Variants in P4HB observed in about 807,000 individuals in gnomAD.
The protein encoded by P4HB is protein disulfide-isomerase.
Under a neutral mutation model 52.6 loss-of-function variants are expected in P4HB, and 20 were observed. The observed-to-expected ratio is 0.38, with a 90% CI of 0.27 to 0.55. The LOEUF (loss-of-function observed/expected upper bound fraction) is 0.55, where lower values mean the gene tolerates loss of function less well. P4HB is among the 20% of genes least tolerant of loss of function. The pLI, the probability that P4HB is intolerant of heterozygous loss-of-function variation, is 0.74. For missense variants in P4HB, 601 were observed against 669.2 expected (o/e 0.90, Z 1.12); for synonymous variants, 296 against 277.9 (o/e 1.07, Z -0.65).
chr17:81,845,532 C>G (rs779246971), intron 9 of P4HB, 29 bp downstream of exon 9: 1 of 1,561,080 alleles, frequency 6.4e-7, no homozygotes, highest in Non-Finnish European at 8.7e-7. Context: ...CCAGAGCCCG[C>G]CCCAGCCCCG....
intron 4 of P4HB, among the ~76,000 whole-genome samples, chr17:81,853,687 C>G (rs2038868719): frequency 6.6e-6 from 1 of 152,160 alleles, no homozygotes; most frequent in South Asian, 2.1e-4. Context: ...ATGCTGCTGT[C>G]TAAAAGGTTC....
rs1039084207 is a variant in P4HB, at chr17:81,843,875, G to A, written c.*137C>T. ...TGAACGGACGGTGTGTAGGGGTGAG[G>A]TGTCACTTCAGAGAGGTTCCCTGGG... is the stretch of plus-strand genomic sequence containing the variant. On this transcript the variant is annotated 3_prime_UTR_variant, in exon 11 of 11. Transcript: ENST00000331483. 3 of 721,354 alleles carry A rather than the reference G, an allele frequency of 4.2e-6. No individual in the cohort carries two copies. In the African/African-American group the frequency reaches 5.2e-5, roughly 13 times the overall value. The allele number at this position is 721,354 out of a possible 1,614,324, so 44.7% of individuals were successfully genotyped here.
In P4HB at chr17:81,843,864, G is replaced by A. The variant is rs1257759894; in HGVS notation, c.*148C>T. 10 of 700,292 alleles carry A rather than the reference G, an allele frequency of 1.4e-5. No homozygotes were observed. The highest frequency in any genetic ancestry group is 2.1e-5 in the Non-Finnish European group (8 of 386,208). The allele number at this position is 700,292 out of a possible 1,614,324, so 43.4% of individuals were successfully genotyped here. ...AGAGACGGGGGTGAACGGACGGTGT[G>A]TAGGGGTGAGGTGTCACTTCAGAGA... On this transcript the variant is annotated 3_prime_UTR_variant, in exon 11 of 11. Transcript: ENST00000331483.
intron 4 of P4HB, among the ~76,000 whole-genome samples, chr17:81,851,796 A>G (rs945618133): frequency 9.2e-5 from 14 of 152,136 alleles, no homozygotes; most frequent in African/African-American, 2.4e-5. Flanking sequence ...ACACTCAATC[A>G]CGGTCTACTG....
At position 81,855,735 on chromosome 17, in the gene P4HB, G is replaced by A. The variant is rs2038904015; in HGVS notation, c.353-149C>T. On this transcript the variant is annotated intron_variant, in intron 2 of 10. Transcript: ENST00000331483. This position sits in a 1 kb window ranked among gnomAD's most constrained non-coding sequence, Gnocchi z 4.3. ...GTTCTCCCACCATGGAAGAGGCCCG[G>A]TGCCGTCCGCCCGCCTCCTAAACCC... The A allele has an allele frequency of 2.3e-6, 2 of 886,598 alleles. No homozygotes were observed. The highest frequency in any genetic ancestry group is 3.3e-6 in the Non-Finnish European group (2 of 599,328). 54.9% of individuals were successfully genotyped at this position (886,598 alleles called of 1,614,324 possible). A position where few individuals can be genotyped will look rare whatever the true frequency, so the allele number is the denominator to read the frequency against.
At chr17:81,858,544 T>G (rs2038949768) in intron 2 of P4HB, among the ~76,000 whole-genome samples, 1 of 152,130 alleles carries the variant, frequency 6.6e-6, no homozygotes, top group African/African-American at 2.4e-5. Flanking sequence ...GAGTTTTCTT[T>G]TGCCACCGTC....
At chr17:81,856,647 CTTT>C (rs112230345) in intron 2 of P4HB, among the ~76,000 whole-genome samples, 11 of 128,432 alleles carry the variant, frequency 8.6e-5, no homozygotes, top group East Asian at 2.2e-4. Flanking sequence ...AATGTTTCTT[CTTT>C]TTTTTTTTTT....
chr17:81,844,119 G>C (rs765925146), intron 10 of P4HB, 27 bp from the exon 11 acceptor site: 5 of 1,530,822 alleles, frequency 3.3e-6, no homozygotes, highest in South Asian at 2.2e-5. Context: ...GGGGCGGGGC[G>C]GGCAGGTTGG....
chr17:81,845,561 C>G lies in P4HB; in HGVS notation c.1359G>C (p.Thr453=). 1 of 1,591,576 alleles carries G rather than the reference C, an allele frequency of 6.3e-7. No homozygotes were observed. Among genetic ancestry groups the G allele is most frequent in the Non-Finnish European group, 8.6e-7 (1 of 1,164,776 alleles). ...AGCCCCGTCTGGAGGGAAGGCGCAC[C>G]GTCCTGTCGGCACTGGCAGGAAAGA... is the stretch of plus-strand genomic sequence containing the variant. ...LKFFPASADR[T]VIDYNGERTL... is the part of the protein sequence containing the mutation. Residue 453 remains threonine, a splice_region_variant and synonymous_variant, in exon 9 of 11, where the codon ACG becomes ACC. Coordinates refer to ENST00000331483, the MANE Select transcript of P4HB (RefSeq NM_000918.4).
At chr17:81,847,179 G>A (rs2038748693) in intron 5 of P4HB, 64 bp downstream of exon 5, 8 of 1,597,972 alleles carry the variant, frequency 5.0e-6, no homozygotes, top group Non-Finnish European at 6.9e-6. Flanking sequence ...GTGACCGGGA[G>A]CCTCATGCCA....
Position 81,860,529 on chromosome 17 carries a change from C to T in P4HB, c.-58G>A. 1 of 1,227,106 alleles carries T rather than the reference C, an allele frequency of 8.1e-7. No homozygotes were observed. Among genetic ancestry groups the T allele is most frequent in the Non-Finnish European group, 1.0e-6 (1 of 983,032 alleles). The allele number at this position is 1,227,106 out of a possible 1,614,324, so 76.0% of individuals were successfully genotyped here. ...GGCGCCGCCGGGACAGCGGGGGCGACGAGAGCGCGCGCCGGTCCCGGCCTC... is the reference window on the plus strand; with the variant it reads ...GGCGCCGCCGGGACAGCGGGGGCGATGAGAGCGCGCGCCGGTCCCGGCCTC... On this transcript the variant is annotated 5_prime_UTR_variant, in exon 1 of 11. Coordinates refer to ENST00000331483, the MANE Select transcript of P4HB (RefSeq NM_000918.4).
rs201042887 is a variant in P4HB at position 81,843,940 on chromosome 17, C to T, written c.*72G>A. On this transcript the variant is annotated 3_prime_UTR_variant, in exon 11 of 11. Transcript: ENST00000331483. The stretch of plus-strand genomic sequence containing the variant: ...CTCCTTCAAGCGAGGCCGCAGGCTT[C>T]GGAGGCGTGCGCTGCTGCTGGGTGT... 103 of 1,135,622 alleles carry T rather than the reference C, an allele frequency of 9.1e-5. No homozygotes were observed. Among genetic ancestry groups the T allele is most frequent in the Middle Eastern group, 7.3e-4 (3 of 4,126 alleles). 70.3% of individuals were successfully genotyped at this position (1,135,622 alleles called of 1,614,324 possible).
chr17:81,858,667 C>G (rs1172366125), intron 2 of P4HB: 1 of 161,094 alleles, frequency 6.2e-6, no homozygotes, highest in Non-Finnish European at 1.4e-5. Context: ...GATTCGAGGT[C>G]TGCTACCGAC....
At chr17:81,849,826 ATTTATTTT>A (rs1444710926) in intron 4 of P4HB, among the ~76,000 whole-genome samples, 1 of 151,106 alleles carries the variant, frequency 6.6e-6, no homozygotes, top group African/African-American at 2.4e-5. Flanking sequence ...TTTAAAATTT[ATTTATTTT>A]TTTATTTTTT....
Position 81,855,398 on chromosome 17 carries a change from A to AC in P4HB, c.486+54dup, listed in dbSNP as rs1283999165. The AC allele has an allele frequency of 6.3e-7, 1 of 1,596,668 alleles. No individual in the cohort carries two copies. Among genetic ancestry groups the AC allele is most frequent in the Non-Finnish European group, 8.6e-7 (1 of 1,168,444 alleles). ...CAGAACTGCCAGCTGCAGGCTGTGG[A>AC]CCCCTCCTCAATGGATGACGGAAGG... On this transcript the variant is annotated intron_variant, in intron 3 of 10. Coordinates refer to ENST00000331483, the MANE Select transcript of P4HB (RefSeq NM_000918.4). The surrounding 1 kb of genome is among the most constrained non-coding windows in gnomAD (Gnocchi z 4.3).
rs1424288219 is a variant in P4HB at position 81,855,116 on chromosome 17, G to C, written c.624+26C>G. On this transcript the variant is annotated intron_variant, in intron 4 of 10. Transcript: ENST00000331483. This position sits in a 1 kb window ranked among gnomAD's most constrained non-coding sequence, Gnocchi z 4.3. ...TGCAGACCAACCCCAGAACTAACCT[G>C]GGCAGAGCTGCCTGGGGCCACTCAC... is the stretch of plus-strand genomic sequence containing the variant. 6.2e-7 allele frequency: 1 copy of C among 1,612,898 alleles called. No individual in the cohort carries two copies. Among genetic ancestry groups the C allele is most frequent in the African/African-American group, 1.3e-5 (1 of 75,024 alleles).
At chr17:81,859,491 A>G in intron 1 of P4HB, 104 bp from the exon 2 acceptor site, 2 of 982,272 alleles carry the variant, frequency 2.0e-6, no homozygotes, top group Non-Finnish European at 3.1e-6. Flanking sequence ...CTTCATAAAA[A>G]CCTTATCTAC....
chr17:81,849,790 T>C (rs1421395614), intron 4 of P4HB, among the ~76,000 whole-genome samples: 2 of 152,048 alleles, frequency 1.3e-5, no homozygotes, highest in Non-Finnish European at 2.9e-5. Flanking sequence ...CTTCCATCAT[T>C]CCCCCGAACT....
chr17:81,846,878 T>C lies in P4HB; in HGVS notation c.855+69A>G. The C allele has an allele frequency of 6.3e-7, 1 of 1,593,180 alleles. No homozygotes were observed. Among genetic ancestry groups the C allele is most frequent in the Non-Finnish European group, 8.6e-7 (1 of 1,165,580 alleles). On this transcript the variant is annotated intron_variant, in intron 6 of 10. Transcript: ENST00000331483. This position sits in a 1 kb window ranked among gnomAD's most constrained non-coding sequence, Gnocchi z 5.7. ...AGGCAGCCTCAGGAAGGCCCCACAC[T>C]TGTCACCTCGGGAAGAGTTGTACTG...
Sources: gnomAD v4.1 joint callset for allele counts (sites outside exome capture counted in the v4.1 genomes callset) on GRCh38, gnomAD v4.1.1 for gene constraint, Gnocchi (gnomAD v3.1) non-coding constraint, MANE v1.5 for transcripts, NCBI Gene and HGNC (gene_info 2026-07-23, HGNC 2026-07-21) for gene names.